The following TLN2 variants were observed in gnomAD, a reference collection of about 807,000 sequenced individuals.
TLN2 encodes talin 2.
In TLN2, 118 loss-of-function variants were observed where a neutral mutation model predicts 294.7. The ratio of observed to expected loss-of-function variants is 0.40; its 90% CI spans 0.34 to 0.47. The LOEUF is 0.47. Ranked by LOEUF, TLN2 falls within the 20% of genes least tolerant of loss-of-function variation. The probability of loss-of-function intolerance (pLI) is 0.84; values close to 1 mark genes in which losing one functional copy is unlikely to be tolerated. For missense variants in TLN2, 3,083 were observed against 3,282.2 expected (o/e 0.94, Z 1.48); for synonymous variants, 1,431 against 1,304.5 (o/e 1.10, Z -2.09).
intron 2 of TLN2, among the ~76,000 whole-genome samples, chr15:62,601,249 C>G (rs1027364943): frequency 3.3e-5 from 5 of 152,184 alleles, no homozygotes; most frequent in Admixed American, 6.5e-5. Flanking sequence ...GCCACAGATG[C>G]TGTTAAACAT....
chr15:62,798,475 G>A lies in TLN2; in HGVS notation c.6234+1073G>A, dbSNP rs375031111. 5.7e-3 allele frequency among the ~76,000 whole-genome samples: 863 copies of A among 151,370 alleles called. 7 individuals are homozygous for A. The highest frequency in any genetic ancestry group is 0.018 in the African/African-American group (750 of 41,262). ...AACAAGTATATGTTCACCTGTTGTT[G>A]AACTAACAGCCAACAAAAGTCGCTA... is the stretch of plus-strand genomic sequence containing the variant. On this transcript the variant is annotated intron_variant, in intron 48 of 58. Coordinates refer to ENST00000636159, the MANE Select transcript of TLN2 (RefSeq NM_015059.3).
chr15:62,530,426 C>T (rs2040980282), intron 1 of TLN2, among the ~76,000 whole-genome samples: 1 of 152,162 alleles, frequency 6.6e-6, no homozygotes, highest in Non-Finnish European at 1.5e-5. Context: ...GGCACAATCT[C>T]AGCTCACCAC....
chr15:62,471,922 C>G (rs555718953), intron 1 of TLN2, among the ~76,000 whole-genome samples: 1 of 152,312 alleles, frequency 6.6e-6, no homozygotes, highest in African/African-American at 2.4e-5. Flanking sequence ...TTCTTTCTTG[C>G]GCCTTTCTGC....
At chr15:62,719,980 A>T (rs2140912852) in intron 25 of TLN2, 100 bp downstream of exon 25, 1 of 884,122 alleles carries the variant, frequency 1.1e-6, no homozygotes, top group South Asian at 2.4e-5. Context: ...GCCTCAGCTA[A>T]GTCTTTGCGG....
intron 11 of TLN2, among the ~76,000 whole-genome samples, chr15:62,680,930 T>C (rs1418060187): frequency 6.6e-6 from 1 of 152,144 alleles, no homozygotes; most frequent in Non-Finnish European, 1.5e-5. Flanking sequence ...CATGGCTGAG[T>C]AGTATTCCAT....
At chr15:62,556,532 C>T (rs1567094330) in intron 1 of TLN2, among the ~76,000 whole-genome samples, 2 of 151,914 alleles carry the variant, frequency 1.3e-5, no homozygotes, top group African/African-American at 4.8e-5. Flanking sequence ...AGGCTGGTCT[C>T]AAGAGATCCT....
chr15:62,558,595 A>T lies in TLN2; in HGVS notation c.-237-31092A>T, dbSNP rs530158282. Among the ~76,000 whole-genome samples, 78 of 152,336 alleles carry T rather than the reference A, an allele frequency of 5.1e-4. 1 individual carries two copies. In the South Asian group the frequency reaches 0.016, roughly 31 times the overall value. ...ACCAAATTATTGACATGTATATTTT[A>T]TATATACGTGGAAGATACCCAGGGA... On this transcript the variant is annotated intron_variant, in intron 1 of 58. Transcript: ENST00000636159.
intron 1 of TLN2, among the ~76,000 whole-genome samples, chr15:62,503,120 A>T (rs773664872): frequency 1.4e-4 from 21 of 152,266 alleles, no homozygotes; most frequent in Non-Finnish European, 2.2e-4. Context: ...AACAGCGTCA[A>T]CAAGTTCCCT....
Position 62,840,513 on chromosome 15 carries a change from A to G in TLN2, c.7532A>G (p.Lys2511Arg). ...IIAAQEEMLK[K>R]ERELEEARKK... Reference sequence around the variant, plus strand: ...GCCGCCCAGGAAGAAATGCTAAAGAAAGAGCGAGAACTGGAAGAAGCAAGG... The same window carrying G: ...GCCGCCCAGGAAGAAATGCTAAAGAGAGAGCGAGAACTGGAAGAAGCAAGG... Residue 2511 changes from lysine (K) to arginine (R), a missense_variant, in exon 59 of 59, where the codon AAA (lysine) becomes AGA (arginine). Physicochemically the swap from Lys to Arg is conservative, Grantham distance 26. Transcript: ENST00000636159. 1 of 1,614,220 alleles carries G rather than the reference A, an allele frequency of 6.2e-7. No homozygotes were observed. Among genetic ancestry groups the G allele is most frequent in the Non-Finnish European group, 8.5e-7 (1 of 1,180,038 alleles).
intron 3 of TLN2, among the ~76,000 whole-genome samples, chr15:62,630,790 G>A (rs574684245): frequency 6.6e-6 from 1 of 151,998 alleles, no homozygotes; most frequent in Non-Finnish European, 1.5e-5. Context: ...CATTTCAGGG[G>A]TGATGGAGTA....
rs61411757 is a variant in TLN2 at position 62,783,721 on chromosome 15, CTG to C, written c.5617-24_5617-23del. The C allele has an allele frequency of 4.3e-4, 534 of 1,244,782 alleles. No homozygotes were observed. The African/African-American group carries it at 7.6e-3, about 18-fold the overall frequency. 77.1% of individuals were successfully genotyped at this position (1,244,782 alleles called of 1,614,324 possible). A position where few individuals can be genotyped will look rare whatever the true frequency, so the allele number is the denominator to read the frequency against. On this transcript the variant is annotated intron_variant, in intron 44 of 58. Transcript: ENST00000636159. Reference sequence around the variant, plus strand: ...ACACATGGTTCTCATGCGTTTCTCTCTGTGTGTGTGTGTGTGTGTGTGTGTGT... The same window carrying C: ...ACACATGGTTCTCATGCGTTTCTCTCTGTGTGTGTGTGTGTGTGTGTGTGT...
At chr15:62,749,132 G>A (rs1040089399) in intron 33 of TLN2, among the ~76,000 whole-genome samples, 3 of 152,208 alleles carry the variant, frequency 2.0e-5, no homozygotes, top group African/African-American at 7.2e-5. Flanking sequence ...CAGTAGATGT[G>A]GGTTGGTTGT....
At chr15:62,526,458 G>A (rs1405804720) in intron 1 of TLN2, among the ~76,000 whole-genome samples, 2 of 152,036 alleles carry the variant, frequency 1.3e-5, no homozygotes, top group Admixed American at 6.5e-5. Context: ...GATATGCGTC[G>A]CTGGAACTTC....
intron 27 of TLN2, among the ~76,000 whole-genome samples, chr15:62,725,649 T>G (rs1451982502): frequency 6.6e-6 from 1 of 152,202 alleles, no homozygotes. Flanking sequence ...AATACCACCA[T>G]GTATTAAGCA....
intron 1 of TLN2, among the ~76,000 whole-genome samples, chr15:62,479,749 G>C (rs1298202196): frequency 6.6e-6 from 1 of 152,214 alleles, no homozygotes; most frequent in Non-Finnish European, 1.5e-5. Flanking sequence ...GCCTCCCAAA[G>C]TGCTGGGATT....
intron 11 of TLN2, 124 bp from the exon 12 acceptor site, chr15:62,686,517 C>T (rs1311109391): frequency 1.7e-6 from 2 of 1,173,650 alleles, no homozygotes; most frequent in African/African-American, 1.9e-5. Context: ...TCTTGGTTTC[C>T]CTATAGCCCT....
chr15:62,830,161 C>A (rs1373364176), intron 54 of TLN2: 1 of 152,070 alleles, frequency 6.6e-6, no homozygotes. Flanking sequence ...AAGAATGAAA[C>A]ACCCAGAAGC....
chr15:62,573,781 T>TC (rs1596192698), intron 1 of TLN2, among the ~76,000 whole-genome samples: 3 of 151,408 alleles, frequency 2.0e-5, no homozygotes, highest in East Asian at 1.9e-4. Flanking sequence ...TTTTCTTTTT[T>TC]TTTTTTTTAA....
chr15:62,582,243 CACACAT>C (rs1298646005), intron 1 of TLN2, among the ~76,000 whole-genome samples: 3 of 145,056 alleles, frequency 2.1e-5, no homozygotes, highest in African/African-American at 7.7e-5. Context: ...CACACACACA[CACACAT>C]TCATGCCTGA....
Sources: gnomAD v4.1 joint callset for allele counts (sites outside exome capture counted in the v4.1 genomes callset) on GRCh38, gnomAD v4.1.1 for gene constraint, MANE v1.5 for transcripts, NCBI Gene and HGNC (gene_info 2026-07-23, HGNC 2026-07-21) for gene names.